Variants in ZBTB20 observed in about 807,000 individuals in gnomAD.
The protein encoded by ZBTB20 is zinc finger and BTB domain-containing protein 20.
Under a neutral mutation model 56.9 loss-of-function variants are expected in ZBTB20, and 9 were observed. The observed-to-expected ratio is 0.16, with a 90% CI of 0.10 to 0.28. ZBTB20 has a LOEUF of 0.28. Among genes scored for constraint, ZBTB20 ranks in the 10% least tolerant of loss-of-function variants. The pLI is 1.00. For synonymous variants in ZBTB20, 417 were observed against 420.7 expected (o/e 0.99, Z 0.11); for missense variants, 655 against 1,003.0 (o/e 0.65, Z 4.69).
At chr3:115,028,811 A>G (rs2080536261) in intron 2 of ZBTB20, among the ~76,000 whole-genome samples, 1 of 150,768 alleles carries the variant, frequency 6.6e-6, no homozygotes, top group Admixed American at 6.6e-5. Context: ...TTAATAAACT[A>G]TGATGAAACT....
At chr3:115,000,237 C>G (rs1168397731) in intron 2 of ZBTB20, among the ~76,000 whole-genome samples, 2 of 151,476 alleles carry the variant, frequency 1.3e-5, no homozygotes, top group African/African-American at 4.8e-5. Context: ...TTTAGGATAA[C>G]AGATCTGAAT....
chr3:115,078,595 A>ATGTGTGTGTGTGTGTGTG (rs10662256), intron 1 of ZBTB20, among the ~76,000 whole-genome samples: 3 of 130,606 alleles, frequency 2.3e-5, no homozygotes, highest in Admixed American at 7.8e-5. Context: ...CAGTAAGAAT[A>ATGTGTGTGTGTGTGTGTG]TGTGTGTGTG....
chr3:114,719,169 T>C (rs556111439), intron 5 of ZBTB20, among the ~76,000 whole-genome samples: 16 of 92,110 alleles, frequency 1.7e-4, no homozygotes, highest in African/African-American at 6.2e-4. Context: ...GGATAATGTG[T>C]AGGAAGTCCA....
chr3:114,402,247 G>T (rs2086888192), intron 7 of ZBTB20, among the ~76,000 whole-genome samples: 1 of 152,174 alleles, frequency 6.6e-6, no homozygotes, highest in Non-Finnish European at 1.5e-5. Flanking sequence ...ATATAAAAAG[G>T]AGTGATGAGA....
At chr3:114,362,706 A>G (rs146273184) in intron 10 of ZBTB20, among the ~76,000 whole-genome samples, 2,292 of 152,268 alleles carry the variant, frequency 0.015, 28 homozygotes, top group South Asian at 0.067. Context: ...ATTTCCCCAG[A>G]GAGACAGCTC....
At chr3:114,586,989 C>CTTTTTTTT (rs1195918426) in intron 6 of ZBTB20, among the ~76,000 whole-genome samples, 11 of 77,006 alleles carry the variant, frequency 1.4e-4, no homozygotes, top group African/African-American at 2.0e-4. Flanking sequence ...GTATAACTCC[C>CTTTTTTTT]TTTTTTTTTT....
intron 2 of ZBTB20, among the ~76,000 whole-genome samples, chr3:115,063,605 G>C (rs1576684897): frequency 6.6e-6 from 1 of 151,766 alleles, no homozygotes; most frequent in Admixed American, 6.6e-5. Context: ...ATAGCATTTA[G>C]AAATCTGTAA....
intron 7 of ZBTB20, among the ~76,000 whole-genome samples, chr3:114,496,376 A>C (rs1276069875): frequency 2.0e-5 from 3 of 152,228 alleles, no homozygotes; most frequent in Admixed American, 2.0e-4. Context: ...CAAAGCTGGC[A>C]GCCTGGAATG....
At position 114,877,776 on chromosome 3, in the gene ZBTB20, T is replaced by C. The variant is rs548941398; in HGVS notation, c.-417+22528A>G. On this transcript the variant is annotated intron_variant, in intron 4 of 11. Coordinates refer to ENST00000675478, the MANE Select transcript of ZBTB20 (RefSeq NM_001348800.3). ...TACATTTTCTTTTACACAATACACC[T>C]GCTTTTTTTTCTAAACTAAATATTT... is the stretch of plus-strand genomic sequence containing the variant. 2.0e-5 allele frequency among the ~76,000 whole-genome samples: 3 copies of C among 152,300 alleles called. No individual in the cohort carries two copies. In the South Asian group the frequency reaches 6.2e-4, roughly 32 times the overall value.
intron 7 of ZBTB20, among the ~76,000 whole-genome samples, chr3:114,482,371 T>C (rs565302397): frequency 2.8e-4 from 42 of 152,122 alleles, no homozygotes; most frequent in Non-Finnish European, 5.6e-4. Context: ...CACTTTCATA[T>C]TGCATTTGGA....
intron 6 of ZBTB20, among the ~76,000 whole-genome samples, chr3:114,659,524 G>GT (rs1312078345): frequency 6.6e-6 from 1 of 152,152 alleles, no homozygotes; most frequent in East Asian, 1.9e-4. Flanking sequence ...TATGAGAAAA[G>GT]TAAGAGCTCT....
At chr3:115,104,767 A>AT (rs1239804456) in intron 1 of ZBTB20, among the ~76,000 whole-genome samples, 2 of 152,240 alleles carry the variant, frequency 1.3e-5, no homozygotes, top group African/African-American at 4.8e-5. Context: ...ACTACTTTGT[A>AT]TAATACAATA....
intron 6 of ZBTB20, among the ~76,000 whole-genome samples, chr3:114,545,453 ACAT>A (rs1378387247): frequency 1.3e-5 from 2 of 152,206 alleles, no homozygotes; most frequent in Non-Finnish European, 2.9e-5. Context: ...GGTACCAGAG[ACAT>A]CAGTGTTTAC....
chr3:114,565,627 C>T (rs934633484), intron 6 of ZBTB20, among the ~76,000 whole-genome samples: 1 of 152,108 alleles, frequency 6.6e-6, no homozygotes, highest in African/African-American at 2.4e-5. Flanking sequence ...GGAGATAATA[C>T]GGTAGCGATA....
intron 2 of ZBTB20, among the ~76,000 whole-genome samples, chr3:115,037,022 T>G (rs761081985): frequency 4.6e-5 from 7 of 152,174 alleles, no homozygotes; most frequent in Non-Finnish European, 1.5e-5. Context: ...GGAGAATGAT[T>G]TGCTGATTCA....
chr3:114,648,236 T>C (rs1026478065), intron 6 of ZBTB20, among the ~76,000 whole-genome samples: 1 of 151,894 alleles, frequency 6.6e-6, no homozygotes, highest in African/African-American at 2.4e-5. Flanking sequence ...CTATTATTGG[T>C]ATTTTAAATA....
At position 114,316,458 on chromosome 3, in the gene ZBTB20, A is replaced by ATG. The variant is rs1161861307; in HGVS notation, c.*22545_*22546dup. Reference sequence around the variant, plus strand: ...ATGAGCATCTGATTTTGTTATGTGCATGTGTGTATATATGCACATATACAC... The same window carrying ATG: ...ATGAGCATCTGATTTTGTTATGTGCATGTGTGTGTATATATGCACATATACAC... On this transcript the variant is annotated 3_prime_UTR_variant, in exon 12 of 12. Coordinates refer to ENST00000675478, the MANE Select transcript of ZBTB20 (RefSeq NM_001348800.3). 3 of 487,842 alleles carry ATG rather than the reference A, an allele frequency of 6.1e-6. No homozygotes were observed. The highest frequency in any genetic ancestry group is 1.3e-5 in the Non-Finnish European group (3 of 237,908). The allele number at this position is 487,842 out of a possible 1,614,324, so 30.2% of individuals were successfully genotyped here. A position where few individuals can be genotyped will look rare whatever the true frequency, so the allele number is the denominator to read the frequency against.
rs560275439 is a variant in ZBTB20, at chr3:114,728,571, T to C, written c.-342-34996A>G. ...ATGTAATGGTCTTTCCATCAGACCA[T>C]AGACTAAACTCTCAGTTGTAACCAT... is the stretch of plus-strand genomic sequence containing the variant. On this transcript the variant is annotated intron_variant, in intron 5 of 11. Coordinates refer to ENST00000675478, the MANE Select transcript of ZBTB20 (RefSeq NM_001348800.3). Among the ~76,000 whole-genome samples the C allele has an allele frequency of 4.6e-5, 7 of 152,332 alleles. No individual in the cohort carries two copies. In the South Asian group the frequency reaches 1.2e-3, roughly 27 times the overall value.
chr3:114,634,932 TGAG>T (rs1264289755), intron 6 of ZBTB20, among the ~76,000 whole-genome samples: 3 of 152,056 alleles, frequency 2.0e-5, no homozygotes, highest in Non-Finnish European at 4.4e-5. Context: ...AGCAAAGAAA[TGAG>T]GAGGGCAACT....
Sources: gnomAD v4.1 joint callset for allele counts (sites outside exome capture counted in the v4.1 genomes callset) on GRCh38, gnomAD v4.1.1 for gene constraint, MANE v1.5 for transcripts, NCBI Gene and HGNC (gene_info 2026-07-23, HGNC 2026-07-21) for gene names.